The following OSBPL1A variants were observed in gnomAD, a reference collection of about 807,000 sequenced individuals.
OSBPL1A encodes oxysterol-binding protein-related protein 1.
In OSBPL1A, 80 loss-of-function variants were observed where a neutral mutation model predicts 137.1. The ratio of observed to expected loss-of-function variants is 0.58; its 90% CI spans 0.49 to 0.70. OSBPL1A has a LOEUF of 0.70. Ranked by LOEUF, OSBPL1A falls within the 30% of genes least tolerant of loss-of-function variation. OSBPL1A has a pLI of 0.00. For missense variants in OSBPL1A, 970 were observed against 1,129.4 expected, an observed-to-expected ratio of 0.86 and a Z score of 2.02; for synonymous variants, 365 against 389.7, an observed-to-expected ratio of 0.94 and a Z score of 0.75.
At chr18:24,324,647 G>A (rs1457791083) in intron 7 of OSBPL1A, among the ~76,000 whole-genome samples, 1 of 146,460 alleles carries the variant, frequency 6.8e-6, no homozygotes, top group South Asian at 2.2e-4. Context: ...AGCCAGGTGC[G>A]GTGGCGCATG....
At chr18:24,295,285 GTT>G (rs1461540692) in intron 14 of OSBPL1A, among the ~76,000 whole-genome samples, 1 of 152,082 alleles carries the variant, frequency 6.6e-6, no homozygotes, top group Non-Finnish European at 1.5e-5. Context: ...TTGCTGATTT[GTT>G]TGAGTGCCTT....
rs1194925787 is a variant in OSBPL1A, at chr18:24,315,719, T to TA, written c.871-1373dup. ...ATACTATATAATAAAATATATAATA[T>TA]ATGTAATATATTATATAATAAAATA... On this transcript the variant is annotated intron_variant, in intron 11 of 27. Coordinates refer to ENST00000319481, the MANE Select transcript of OSBPL1A (RefSeq NM_080597.4). Among the ~76,000 whole-genome samples, 79 of 121,352 alleles carry TA rather than the reference T, an allele frequency of 6.5e-4. 1 individual carries two copies. In the East Asian group the frequency reaches 0.015, roughly 23 times the overall value. The allele number at this position is 121,352 out of a possible 152,430, so 79.6% of individuals were successfully genotyped here.
At position 24,334,314 on chromosome 18, in the gene OSBPL1A, T is replaced by C. The variant is rs1046115742; in HGVS notation, c.411A>G (p.Gln137=). 1 of 1,611,514 alleles carries C rather than the reference T, an allele frequency of 6.2e-7. No homozygotes were observed. Among genetic ancestry groups the C allele is most frequent in the Middle Eastern group, 1.7e-4 (1 of 6,042 alleles). ...RSMLEAVERT[Q]QRKLEELLLA... Reference sequence around the variant, plus strand: ...AAAGTAATTCTTCAAGCTTTCTTTGTTGAGTCCTTTCTACAGCTGCAAAAG... The same window carrying C: ...AAAGTAATTCTTCAAGCTTTCTTTGCTGAGTCCTTTCTACAGCTGCAAAAG... Residue 137 remains glutamine, a synonymous_variant, in exon 6 of 28, where the codon CAA becomes CAG. Coordinates refer to ENST00000319481, the MANE Select transcript of OSBPL1A (RefSeq NM_080597.4).
Position 24,208,902 on chromosome 18 carries a change from T to C in OSBPL1A, c.1602-12702A>G, listed in dbSNP as rs75322060. Among the ~76,000 whole-genome samples, 376 of 152,276 alleles carry C rather than the reference T, an allele frequency of 2.5e-3. 3 individuals carry two copies. Among genetic ancestry groups the C allele is most frequent in the African/African-American group, 8.8e-3 (367 of 41,592 alleles). On this transcript the variant is annotated intron_variant, in intron 17 of 27. Coordinates refer to ENST00000319481, the MANE Select transcript of OSBPL1A (RefSeq NM_080597.4). ...TCTGATGTGCTCTAAATACCTTTCATTCTTCTGTCATTCTCTTCAAAAGAC... is the reference window on the plus strand; with the variant it reads ...TCTGATGTGCTCTAAATACCTTTCACTCTTCTGTCATTCTCTTCAAAAGAC...
chr18:24,167,418 T>G lies in OSBPL1A; in HGVS notation c.2446A>C (p.Met816Leu). The G allele has an allele frequency of 1.2e-6, 2 of 1,614,202 alleles. No individual in the cohort carries two copies. The highest frequency in any genetic ancestry group is 1.7e-6 in the Non-Finnish European group (2 of 1,180,038). ...QMSTSEELDEMPVPDSESVFI... is the reference protein window; with the variant it reads ...QMSTSEELDELPVPDSESVFI... ...ACACTTTCAGAATCCGGCACTGGCA[T>G]TTCATCCAACTCCTCAGAGGTGCTC... Residue 816 changes from methionine (M) to leucine (L), a missense_variant, in exon 25 of 28, where the codon ATG (methionine) becomes CTG (leucine). Transcript: ENST00000319481.
At chr18:24,221,516 T>G (rs1338609609) in intron 17 of OSBPL1A, among the ~76,000 whole-genome samples, 1 of 152,254 alleles carries the variant, frequency 6.6e-6, no homozygotes, top group Non-Finnish European at 1.5e-5. Context: ...TTATAAAAAA[T>G]CCTTCCCTAT....
intron 15 of OSBPL1A, among the ~76,000 whole-genome samples, chr18:24,246,850 T>C (rs1285120189): frequency 7.0e-6 from 1 of 142,206 alleles, no homozygotes; most frequent in South Asian, 2.2e-4. Flanking sequence ...GAACAAGAGA[T>C]GGGTAAGAGA....
intron 4 of OSBPL1A, chr18:24,357,626 G>C (rs2091559166): frequency 6.6e-6 from 1 of 152,088 alleles, no homozygotes; most frequent in African/African-American, 2.4e-5. Context: ...AATGAGTTTG[G>C]GGTCCCAAAA....
At chr18:24,210,535 C>CTTTTTTTTTTTTTTTT (rs11355890) in intron 17 of OSBPL1A, among the ~76,000 whole-genome samples, 1 of 143,130 alleles carries the variant, frequency 7.0e-6, no homozygotes. Flanking sequence ...TTTTCTTTTT[C>CTTTTTTTTTTTTTTTT]TTTTTTTTTT....
intron 11 of OSBPL1A, among the ~76,000 whole-genome samples, chr18:24,316,923 C>T (rs893406104): frequency 1.3e-5 from 2 of 152,130 alleles, no homozygotes; most frequent in Admixed American, 6.6e-5. Flanking sequence ...ATCTCTCATT[C>T]CATAATAATA....
intron 15 of OSBPL1A, among the ~76,000 whole-genome samples, chr18:24,249,877 C>G (rs1390765849): frequency 2.0e-5 from 3 of 152,170 alleles, no homozygotes; most frequent in Admixed American, 2.0e-4. Flanking sequence ...CTGGGCTGGG[C>G]TGACAGCCAG....
intron 17 of OSBPL1A, among the ~76,000 whole-genome samples, chr18:24,204,300 A>AT (rs2087305986): frequency 6.6e-6 from 1 of 152,260 alleles, no homozygotes; most frequent in Admixed American, 6.5e-5. Context: ...GAGTTAGAAC[A>AT]TTTTTCATAT....
At chr18:24,229,195 C>CT (rs1033178383) in intron 16 of OSBPL1A, among the ~76,000 whole-genome samples, 15 of 152,026 alleles carry the variant, frequency 9.9e-5, no homozygotes, top group Non-Finnish European at 1.6e-4. Flanking sequence ...CAGCGAGACT[C>CT]TGTCTCAAAA....
chr18:24,351,347 C>CAAAAA lies in OSBPL1A; in HGVS notation c.283-9694_283-9690dup, dbSNP rs1172514692. ...CTGGACAACAGAGAAGACTCTGTCT[C>CAAAAA]AAAAAAAAAAAAAAAAAAAAAAGAC... On this transcript the variant is annotated intron_variant, in intron 4 of 27. Coordinates refer to ENST00000319481, the MANE Select transcript of OSBPL1A (RefSeq NM_080597.4). 7.4e-3 allele frequency among the ~76,000 whole-genome samples: 264 copies of CAAAAA among 35,736 alleles called. 12 individuals are homozygous for CAAAAA. The highest frequency in any genetic ancestry group is 0.022 in the African/African-American group (214 of 9,832). The allele number at this position is 35,736 out of a possible 152,430, so 23.4% of individuals were successfully genotyped here.
chr18:24,175,135 T>TATATAC (rs1323687106), intron 21 of OSBPL1A, among the ~76,000 whole-genome samples: 4 of 96,642 alleles, frequency 4.1e-5, no homozygotes, highest in East Asian at 2.6e-4. Context: ...TATATATATA[T>TATATAC]ACACATATAT....
At chr18:24,262,794 C>T (rs922994345) in intron 15 of OSBPL1A, among the ~76,000 whole-genome samples, 21 of 150,414 alleles carry the variant, frequency 1.4e-4, no homozygotes, top group Admixed American at 1.1e-3. Flanking sequence ...CTCTCCACCC[C>T]CTACCCAGGC....
intron 11 of OSBPL1A, among the ~76,000 whole-genome samples, chr18:24,315,184 G>A (rs1338998799): frequency 1.3e-5 from 2 of 152,150 alleles, no homozygotes; most frequent in Non-Finnish European, 2.9e-5. Flanking sequence ...TTTGCACCTG[G>A]GACTAAGCAC....
intron 17 of OSBPL1A, among the ~76,000 whole-genome samples, chr18:24,212,699 G>T (rs1245470896): frequency 6.6e-6 from 1 of 152,060 alleles, no homozygotes; most frequent in Non-Finnish European, 1.5e-5. Context: ...GTATTCCACG[G>T]TCATAAAAAT....
intron 5 of OSBPL1A, among the ~76,000 whole-genome samples, chr18:24,340,482 T>C (rs548420233): frequency 6.6e-6 from 1 of 152,166 alleles, no homozygotes; most frequent in South Asian, 2.1e-4. Flanking sequence ...AAGACCAGCC[T>C]GGGCAACATA....
Sources: allele counts gnomAD v4.1 joint callset (sites outside exome capture counted in the v4.1 genomes callset), GRCh38; gene constraint gnomAD v4.1.1; transcripts MANE v1.5; gene names NCBI Gene and HGNC (gene_info 2026-07-23, HGNC 2026-07-21).